Variants in RASEF observed in about 807,000 individuals in gnomAD.
The protein encoded by RASEF is ras and EF-hand domain-containing protein.
Under a neutral mutation model 90.1 loss-of-function variants are expected in RASEF, and 68 were observed. The ratio of observed to expected loss-of-function variants is 0.75; its 90% CI spans 0.62 to 0.92. The LOEUF is 0.92. RASEF is among the 40% of genes least tolerant of loss of function. The pLI is 0.00. For synonymous variants in RASEF, 331 were observed against 345.2 expected (o/e 0.96, Z 0.46); for missense variants, 949 against 937.2 (o/e 1.01, Z -0.16).
chr9:83,044,742 T>A (rs1037495915), intron 1 of RASEF, among the ~76,000 whole-genome samples: 5 of 152,174 alleles, frequency 3.3e-5, no homozygotes, highest in Admixed American at 1.3e-4. Flanking sequence ...ATTTTATTTA[T>A]GTCAACTTGT....
chr9:83,144,391 G>GAAAGGAAGGAAGGAAAGAAAGAAAGAAA, the RASEF span, among the ~76,000 whole-genome samples: 2 of 33,240 alleles, frequency 6.0e-5, no homozygotes, highest in Admixed American at 4.3e-4. Flanking sequence ...AAGAAAGAAA[G>GAAAGGAAGGAAGGAAAGAAAGAAAGAAA]GAAAGAAAGA....
the RASEF span, among the ~76,000 whole-genome samples, chr9:83,071,940 T>C: frequency 1.3e-5 from 2 of 152,300 alleles, no homozygotes; most frequent in South Asian, 4.1e-4. Context: ...TACCTTCTAT[T>C]GGTGTGGCAC....
rs202211776 is a variant in RASEF, at chr9:83,000,179, G to A, written c.1713C>T (p.Ser571=). 47 of 1,613,444 alleles carry A rather than the reference G, an allele frequency of 2.9e-5. No homozygotes were observed. Among genetic ancestry groups the A allele is most frequent in the Admixed American group, 8.3e-5 (5 of 59,926 alleles). Residue 571 remains serine, a synonymous_variant, in exon 12 of 17, where the codon AGC becomes AGT. Transcript: ENST00000376447. ...LCKNEFRENI[S]ATLGVDFQMK... is the part of the protein sequence containing the mutation. Reference sequence around the variant, plus strand: ...AAATACGAGCCATACCCAGGGTGGCGCTTATATTTTCTCGAAATTCATTCT... The same window carrying A: ...AAATACGAGCCATACCCAGGGTGGCACTTATATTTTCTCGAAATTCATTCT...
At chr9:83,055,562 C>G (rs1356240538) in intron 1 of RASEF, 1 of 710,628 alleles carries the variant, frequency 1.4e-6, no homozygotes, top group African/African-American at 1.9e-5. Context: ...GCCATCTTGG[C>G]TCCTCCCTCC....
chr9:83,024,894 T>C (rs1370439477), intron 2 of RASEF, among the ~76,000 whole-genome samples: 1 of 152,072 alleles, frequency 6.6e-6, no homozygotes, highest in African/African-American at 2.4e-5. Flanking sequence ...GGGCTGCATC[T>C]ATAAGCTCCA....
At chr9:83,180,656 G>A in the RASEF span, among the ~76,000 whole-genome samples, 1 of 152,064 alleles carries the variant, frequency 6.6e-6, no homozygotes, top group Admixed American at 6.6e-5. Flanking sequence ...CAGGCACTGT[G>A]GTGGAGGTTT....
chr9:83,098,654 C>T, the RASEF span, among the ~76,000 whole-genome samples: 1 of 152,204 alleles, frequency 6.6e-6, no homozygotes, highest in African/African-American at 2.4e-5. Flanking sequence ...AATTGACTCA[C>T]AGTGTCACAT....
At chr9:83,011,170 T>C (rs1829236052) in intron 5 of RASEF, among the ~76,000 whole-genome samples, 1 of 152,090 alleles carries the variant, frequency 6.6e-6, no homozygotes. Flanking sequence ...AAAATTGTAA[T>C]ATGCAAAATG....
the RASEF span, among the ~76,000 whole-genome samples, chr9:83,137,524 GAGCTAAAGGC>G: frequency 6.6e-6 from 1 of 152,104 alleles, no homozygotes; most frequent in Non-Finnish European, 1.5e-5. Context: ...GAAAGAGAAA[GAGCTAAAGGC>G]AGCAAGACAA....
At chr9:83,073,629 T>C in the RASEF span, among the ~76,000 whole-genome samples, 65 of 152,196 alleles carry the variant, frequency 4.3e-4, no homozygotes, top group Non-Finnish European at 3.8e-4. Flanking sequence ...GCACAAGGCC[T>C]GCAGAAATCA....
At chr9:83,064,596 T>C (rs1830265561), upstream of RASEF, among the ~76,000 whole-genome samples, 1 of 152,262 alleles carries the variant, frequency 6.6e-6, no homozygotes, top group Non-Finnish European at 1.5e-5. Flanking sequence ...TCTATGTCTT[T>C]AAAAATAGAT....
the RASEF span, among the ~76,000 whole-genome samples, chr9:83,112,777 GA>G: frequency 7.9e-5 from 12 of 151,188 alleles, no homozygotes; most frequent in East Asian, 1.9e-4. Flanking sequence ...TGCAGTTAAT[GA>G]AAAAAAAGAT....
At chr9:83,197,846 C>G in the RASEF span, among the ~76,000 whole-genome samples, 341 of 152,304 alleles carry the variant, frequency 2.2e-3, no homozygotes, top group African/African-American at 7.8e-3. Context: ...GCATAAGCAC[C>G]GGGATAAATC....
At chr9:83,218,232 G>T in the RASEF span, among the ~76,000 whole-genome samples, 8 of 152,216 alleles carry the variant, frequency 5.3e-5, no homozygotes, top group African/African-American at 1.9e-4. Context: ...GTGGAAGCCA[G>T]ATCCTGGGAG....
chr9:83,008,866 T>C (rs1353164872), intron 6 of RASEF, among the ~76,000 whole-genome samples: 29 of 129,316 alleles, frequency 2.2e-4, no homozygotes, highest in African/African-American at 7.7e-4. Flanking sequence ...TTGCTTTTTT[T>C]CCCAACTAAA....
At chr9:83,143,003 A>G in the RASEF span, among the ~76,000 whole-genome samples, 1 of 152,200 alleles carries the variant, frequency 6.6e-6, no homozygotes, top group Admixed American at 6.5e-5. Flanking sequence ...CTAGCTGGTC[A>G]GTATCTTTAA....
chr9:83,110,673 C>T, the RASEF span, among the ~76,000 whole-genome samples: 1 of 152,098 alleles, frequency 6.6e-6, no homozygotes, highest in Non-Finnish European at 1.5e-5. Context: ...ACCATGTTCA[C>T]CCCAAAAAGG....
chr9:83,022,504 C>T (rs999133334), intron 2 of RASEF, 78 bp from the exon 3 acceptor site: 17 of 1,012,908 alleles, frequency 1.7e-5, no homozygotes, highest in African/African-American at 1.4e-4. Flanking sequence ...GATTCATCTA[C>T]GTTAAGCCCT....
At chr9:83,048,178 T>C in intron 1 of RASEF, 1 of 985,330 alleles carries the variant, frequency 1.0e-6, no homozygotes, top group East Asian at 1.1e-4. Context: ...GCCCACAGTG[T>C]AGTAAGAGCG....
Sources: gnomAD v4.1 joint callset for allele counts (sites outside exome capture counted in the v4.1 genomes callset) on GRCh38, gnomAD v4.1.1 for gene constraint, MANE v1.5 for transcripts, NCBI Gene and HGNC (gene_info 2026-07-23, HGNC 2026-07-21) for gene names.